Variants in KLHL1 observed in about 807,000 individuals in gnomAD.
KLHL1 encodes kelch-like protein 1.
KLHL1 carries 47 observed loss-of-function variants against 77.7 expected under a neutral mutation model. The ratio of observed to expected loss-of-function variants is 0.60; its 90% confidence interval spans 0.48 to 0.77. The LOEUF is 0.77. Ranked by LOEUF, KLHL1 falls within the 30% of genes least tolerant of loss-of-function variation. The pLI is 0.00. For missense variants in KLHL1, 925 were observed against 910.8 expected, an observed-to-expected ratio of 1.02 and a Z score of -0.20; for synonymous variants, 360 against 325.2, an observed-to-expected ratio of 1.11 and a Z score of -1.15.
intron 7 of KLHL1, among the ~76,000 whole-genome samples, chr13:69,758,420 T>C (rs1874867024): frequency 6.6e-6 from 1 of 152,134 alleles, no homozygotes; most frequent in African/African-American, 2.4e-5. Context: ...TTTTGTTTTA[T>C]CTGTACCATT....
At chr13:69,747,790 G>T (rs147379497) in intron 7 of KLHL1, among the ~76,000 whole-genome samples, 40 of 151,964 alleles carry the variant, frequency 2.6e-4, no homozygotes, top group African/African-American at 9.4e-4. Flanking sequence ...TATTGCTGAT[G>T]AATTGAAACT....
chr13:69,805,914 A>G (rs1199730326), intron 6 of KLHL1, among the ~76,000 whole-genome samples: 1 of 151,978 alleles, frequency 6.6e-6, no homozygotes, highest in Non-Finnish European at 1.5e-5. Context: ...GAAGTAAATT[A>G]TTTAAAACCA....
intron 1 of KLHL1, among the ~76,000 whole-genome samples, chr13:69,989,241 G>A (rs1884958061): frequency 6.6e-6 from 1 of 151,704 alleles, no homozygotes; most frequent in South Asian, 2.1e-4. Context: ...GCTTGTTTTT[G>A]TCACCTTTGT....
At chr13:69,955,551 C>A (rs1883839952) in intron 3 of KLHL1, among the ~76,000 whole-genome samples, 1 of 151,196 alleles carries the variant, frequency 6.6e-6, no homozygotes, top group East Asian at 1.9e-4. Flanking sequence ...CTCTGCAATT[C>A]CATCTCCCAT....
chr13:69,832,660 A>G (rs1226546182), intron 6 of KLHL1, among the ~76,000 whole-genome samples: 1 of 151,746 alleles, frequency 6.6e-6, no homozygotes, highest in African/African-American at 2.4e-5. Flanking sequence ...AACAACAACA[A>G]CAACAACAAC....
At chr13:69,894,403 T>A in intron 4 of KLHL1, 1 of 158,860 alleles carries the variant, frequency 6.3e-6, no homozygotes, top group Non-Finnish European at 1.4e-5. Flanking sequence ...ATTTGTCTTG[T>A]GGCCATAACT....
At chr13:69,952,155 A>G (rs1336948305) in intron 3 of KLHL1, among the ~76,000 whole-genome samples, 1 of 151,442 alleles carries the variant, frequency 6.6e-6, no homozygotes, top group Non-Finnish European at 1.5e-5. Flanking sequence ...AAATGATTCA[A>G]AAATGTCCTA....
intron 6 of KLHL1, among the ~76,000 whole-genome samples, chr13:69,836,051 C>T (rs2138102995): frequency 1.3e-5 from 2 of 152,134 alleles, no homozygotes; most frequent in East Asian, 3.9e-4. Context: ...CTAAAAAATA[C>T]AGCTAACACT....
intron 3 of KLHL1, among the ~76,000 whole-genome samples, chr13:69,940,877 G>C (rs1029586817): frequency 6.7e-6 from 1 of 149,550 alleles, no homozygotes; most frequent in Non-Finnish European, 1.5e-5. Flanking sequence ...TTTTTAAAGG[G>C]ATCTGTTTGT....
intron 2 of KLHL1, among the ~76,000 whole-genome samples, chr13:69,962,930 A>C (rs963913753): frequency 1.3e-5 from 2 of 152,150 alleles, no homozygotes; most frequent in Non-Finnish European, 1.5e-5. Flanking sequence ...GACTTTCCTA[A>C]TATCATTTCC....
intron 1 of KLHL1, among the ~76,000 whole-genome samples, chr13:70,002,594 CA>C (rs1427266776): frequency 6.6e-6 from 1 of 151,486 alleles, no homozygotes; most frequent in Non-Finnish European, 1.5e-5. Flanking sequence ...CTTTAATCTA[CA>C]AATCCAAAAA....
At chr13:69,808,612 G>T (rs1369801028) in intron 6 of KLHL1, among the ~76,000 whole-genome samples, 2 of 152,084 alleles carry the variant, frequency 1.3e-5, no homozygotes, top group South Asian at 4.1e-4. Flanking sequence ...CAAAGTGTCA[G>T]CTCTCAGAAG....
At chr13:69,951,685 T>G (rs771075793) in intron 3 of KLHL1, among the ~76,000 whole-genome samples, 5 of 151,484 alleles carry the variant, frequency 3.3e-5, no homozygotes, top group Non-Finnish European at 5.9e-5. Context: ...CAGGTAATTT[T>G]TTATGATGCT....
At position 69,996,029 on chromosome 13, in the gene KLHL1, A is replaced by G. The variant is rs145123710; in HGVS notation, c.498-20227T>C. 4.4e-3 allele frequency among the ~76,000 whole-genome samples: 662 copies of G among 152,176 alleles called. 3 individuals carry two copies. The highest frequency in any genetic ancestry group is 7.0e-3 in the Non-Finnish European group (473 of 67,990). On this transcript the variant is annotated intron_variant, in intron 1 of 10. Transcript: ENST00000377844. ...ACATTCAAAACTTGAAATAGGCCTG[A>G]CGTGGTAGCTCACGCCTGTAATCCC... is the stretch of plus-strand genomic sequence containing the variant.
intron 6 of KLHL1, among the ~76,000 whole-genome samples, chr13:69,826,879 GA>G (rs1212887760): frequency 4.7e-5 from 7 of 150,258 alleles, no homozygotes; most frequent in Admixed American, 4.6e-4. Flanking sequence ...ATTTTAATAA[GA>G]ATATATTAAT....
chr13:69,960,010 C>T (rs1884014545), intron 3 of KLHL1, among the ~76,000 whole-genome samples: 1 of 151,330 alleles, frequency 6.6e-6, no homozygotes, highest in East Asian at 1.9e-4. Flanking sequence ...GAACGATTTT[C>T]TCTTTATCAA....
At chr13:70,020,093 T>C (rs1885751907) in intron 1 of KLHL1, among the ~76,000 whole-genome samples, 1 of 152,118 alleles carries the variant, frequency 6.6e-6, no homozygotes, top group Non-Finnish European at 1.5e-5. Context: ...CCTTCATAAA[T>C]GTGAGAAATA....
chr13:69,936,227 T>C (rs1354981212), intron 4 of KLHL1, among the ~76,000 whole-genome samples: 1 of 152,084 alleles, frequency 6.6e-6, no homozygotes, highest in Non-Finnish European at 1.5e-5. Flanking sequence ...ATGAGAGCAA[T>C]TGCATCTAAC....
intron 1 of KLHL1, among the ~76,000 whole-genome samples, chr13:70,028,454 T>A (rs966739921): frequency 1.3e-5 from 2 of 152,124 alleles, no homozygotes; most frequent in Non-Finnish European, 1.5e-5. Context: ...GTTTATGTTT[T>A]TATAGTGGTA....
Sources: gnomAD v4.1 joint callset for allele counts (sites outside exome capture counted in the v4.1 genomes callset) on GRCh38, gnomAD v4.1.1 for gene constraint, MANE v1.5 for transcripts, NCBI Gene and HGNC (gene_info 2026-07-23, HGNC 2026-07-21) for gene names.